Variants in SASH1 observed in about 807,000 individuals in gnomAD.
SASH1 encodes the protein SAM and SH3 domain-containing protein 1.
In SASH1, 44 loss-of-function variants were observed where a neutral mutation model predicts 125.2. The observed-to-expected ratio is 0.35, with a 90% CI of 0.28 to 0.45. The LOEUF (loss-of-function observed/expected upper bound fraction) is 0.45, where lower values mean the gene tolerates loss of function less well. Among genes scored for constraint, SASH1 ranks in the 20% least tolerant of loss-of-function variants. The pLI is 1.00. For missense variants in SASH1, 1,426 were observed against 1,614.5 expected, an observed-to-expected ratio of 0.88 and a Z score of 2.00; for synonymous variants, 639 against 649.1, an observed-to-expected ratio of 0.98 and a Z score of 0.24.
At chr6:148,262,657 G>A in the SASH1 span, among the ~76,000 whole-genome samples, 1 of 152,222 alleles carries the variant, frequency 6.6e-6, no homozygotes, top group East Asian at 1.9e-4. Flanking sequence ...GCCGAGGCAG[G>A]CAGATCACCT....
At chr6:148,484,743 C>T (rs1299489841) in intron 7 of SASH1, among the ~76,000 whole-genome samples, 1 of 152,058 alleles carries the variant, frequency 6.6e-6, no homozygotes, top group Non-Finnish European at 1.5e-5. Context: ...GAGTTCGACA[C>T]CAACCTGGGC....
intron 1 of SASH1, among the ~76,000 whole-genome samples, chr6:148,317,284 A>G (rs1288891493): frequency 6.6e-6 from 1 of 152,216 alleles, no homozygotes; most frequent in Non-Finnish European, 1.5e-5. Flanking sequence ...TCCAATAAAG[A>G]GCTCTTGTTC....
the SASH1 span, among the ~76,000 whole-genome samples, chr6:148,233,742 C>CAAAAAAAAAAAAGAAAAA: frequency 1.7e-5 from 1 of 60,534 alleles, no homozygotes; most frequent in South Asian, 7.1e-4. Context: ...TTCCTCTCTA[C>CAAAAAAAAAAAAGAAAAA]AAAAAAAAAA....
the SASH1 span, among the ~76,000 whole-genome samples, chr6:148,248,989 C>G: frequency 6.6e-6 from 1 of 151,998 alleles, no homozygotes; most frequent in Non-Finnish European, 1.5e-5. Context: ...ACTGAGAAAA[C>G]ATAGTGTGTG....
chr6:148,262,812 G>T, the SASH1 span, among the ~76,000 whole-genome samples: 1 of 152,216 alleles, frequency 6.6e-6, no homozygotes, highest in Admixed American at 6.5e-5. Flanking sequence ...GAACCCGGGA[G>T]GGGGAGGTTG....
At chr6:148,226,645 C>G in the SASH1 span, among the ~76,000 whole-genome samples, 1 of 152,176 alleles carries the variant, frequency 6.6e-6, no homozygotes, top group African/African-American at 2.4e-5. Context: ...TCTCTTCTTT[C>G]TTCTGTGCCT....
At chr6:148,269,761 G>A (rs1394017041), upstream of SASH1, among the ~76,000 whole-genome samples, 2 of 152,082 alleles carry the variant, frequency 1.3e-5, no homozygotes, top group Non-Finnish European at 2.9e-5. Flanking sequence ...GGGGTGTGGG[G>A]GGGCACAATT....
At chr6:148,507,358 T>TTTG (rs140530862) in intron 8 of SASH1, among the ~76,000 whole-genome samples, 2,071 of 150,504 alleles carry the variant, frequency 0.014, 71 homozygotes, top group East Asian at 0.1. Context: ...CCAATTCCCT[T>TTTG]TTGTTGTTGT....
chr6:148,358,918 G>C lies in SASH1; in HGVS notation c.156+15695G>C, dbSNP rs1477665944. 2.0e-5 allele frequency among the ~76,000 whole-genome samples: 3 copies of C among 151,610 alleles called. No individual in the cohort carries two copies. The South Asian group carries it at 6.3e-4, about 32-fold the overall frequency. ...ACCCGGCTAATTTTTTGTATTTTTA[G>C]TAGAGACGGGGTTTCACCGTGTTAG... On this transcript the variant is annotated intron_variant, in intron 1 of 19. Coordinates refer to ENST00000367467, the MANE Select transcript of SASH1 (RefSeq NM_015278.5).
At chr6:148,443,143 GAAAAAA>G (rs3035290) in intron 4 of SASH1, among the ~76,000 whole-genome samples, 17 of 129,402 alleles carry the variant, frequency 1.3e-4, no homozygotes, top group East Asian at 2.2e-4. Context: ...GCACTTTTTA[GAAAAAA>G]AAAAAAAAAA....
At chr6:148,204,050 C>G in the SASH1 span, among the ~76,000 whole-genome samples, 4 of 152,202 alleles carry the variant, frequency 2.6e-5, no homozygotes, top group Non-Finnish European at 5.9e-5. Flanking sequence ...CAGTTCTCCA[C>G]TGCGGCTTCC....
intron 1 of SASH1, among the ~76,000 whole-genome samples, chr6:148,321,855 T>G (rs747793690): frequency 2.0e-5 from 3 of 152,206 alleles, no homozygotes; most frequent in Non-Finnish European, 2.9e-5. Context: ...AAAAATGTGT[T>G]AATAGGAAAG....
At chr6:148,380,843 CTT>C (rs2114783108) in intron 1 of SASH1, among the ~76,000 whole-genome samples, 1 of 152,332 alleles carries the variant, frequency 6.6e-6, no homozygotes, top group Admixed American at 6.5e-5. Context: ...GTTCTCATGA[CTT>C]AACCGTATGA....
At chr6:148,220,986 C>A in the SASH1 span, among the ~76,000 whole-genome samples, 1 of 152,308 alleles carries the variant, frequency 6.6e-6, no homozygotes, top group Non-Finnish European at 1.5e-5. Context: ...ATCATTAAAA[C>A]AAAATCCCTC....
At chr6:148,301,309 A>G (rs1031321553) in intron 1 of SASH1, among the ~76,000 whole-genome samples, 1 of 140,668 alleles carries the variant, frequency 7.1e-6, no homozygotes, top group African/African-American at 2.7e-5. Context: ...CTGGGCAACA[A>G]GAGCAAAACT....
chr6:148,334,308 G>A (rs1206318545), intron 1 of SASH1, among the ~76,000 whole-genome samples: 1 of 147,236 alleles, frequency 6.8e-6, no homozygotes, highest in Non-Finnish European at 1.5e-5. Flanking sequence ...GGCGCCTGTA[G>A]TCCCAGCTAC....
chr6:148,225,778 G>A, the SASH1 span, among the ~76,000 whole-genome samples: 2 of 152,166 alleles, frequency 1.3e-5, no homozygotes, highest in East Asian at 1.9e-4. Context: ...ACCCAGTGAG[G>A]CTGTTACTGT....
At chr6:148,390,110 G>C (rs369837626) in intron 1 of SASH1, 24 bp from the exon 2 acceptor site, 2 of 1,610,836 alleles carry the variant, frequency 1.2e-6, no homozygotes, top group African/African-American at 2.7e-5. Flanking sequence ...TGACCTGACC[G>C]CCTTTGTTTG....
intron 2 of SASH1, among the ~76,000 whole-genome samples, chr6:148,398,930 G>A (rs562586036): frequency 6.6e-6 from 1 of 152,270 alleles, no homozygotes; most frequent in South Asian, 2.1e-4. Context: ...TTCCAATTTA[G>A]TCAGCATTTT....
Sources: allele counts gnomAD v4.1 joint callset (sites outside exome capture counted in the v4.1 genomes callset), GRCh38; gene constraint gnomAD v4.1.1; transcripts MANE v1.5; gene names NCBI Gene and HGNC (gene_info 2026-07-23, HGNC 2026-07-21).